Variants in SOCS5 observed in about 807,000 individuals in gnomAD.
The protein encoded by SOCS5 is CIS-6.
In SOCS5, 32 loss-of-function variants were observed where a neutral mutation model predicts 42.8. The observed-to-expected ratio is 0.75, with a 90% CI of 0.56 to 1.01. The LOEUF is 1.01. Ranked by LOEUF, SOCS5 falls within the 50% of genes least tolerant of loss-of-function variation. The pLI is 0.00. For missense variants in SOCS5, 627 were observed against 653.0 expected (o/e 0.96, Z 0.43); for synonymous variants, 283 against 229.6 (o/e 1.23, Z -2.10).
rs1673885352 is a variant in SOCS5, at chr2:46,762,127, T to C, written c.*1986T>C. On this transcript the variant is annotated 3_prime_UTR_variant, in exon 2 of 2. Transcript: ENST00000394861. ...AAATGGGGATTGAAGGGACTTATAA[T>C]TTCTGTTGTTTCTAATTAAAGTCCC... 6.0e-6 allele frequency: 1 copy of C among 167,054 alleles called. No homozygotes were observed. Among genetic ancestry groups the C allele is most frequent in the African/African-American group, 2.4e-5 (1 of 41,462 alleles). The allele number at this position is 167,054 out of a possible 1,614,324, so 10.3% of individuals were successfully genotyped here. A position where few individuals can be genotyped will look rare whatever the true frequency, so the allele number is the denominator to read the frequency against.
At chr2:46,707,783 A>G (rs534761070) in intron 1 of SOCS5, among the ~76,000 whole-genome samples, 46 of 152,306 alleles carry the variant, frequency 3.0e-4, no homozygotes, top group Middle Eastern at 3.4e-3. Flanking sequence ...TCGACTTACA[A>G]TGGGGTTAGT....
At chr2:46,735,593 G>A (rs1384180994) in intron 1 of SOCS5, among the ~76,000 whole-genome samples, 1 of 151,750 alleles carries the variant, frequency 6.6e-6, no homozygotes, top group Non-Finnish European at 1.5e-5. Flanking sequence ...GCTTGATTCT[G>A]GACTTAACAG....
At chr2:46,753,018 T>C (rs929039193) in intron 1 of SOCS5, among the ~76,000 whole-genome samples, 27 of 152,170 alleles carry the variant, frequency 1.8e-4, no homozygotes, top group Non-Finnish European at 1.6e-4. Flanking sequence ...TAGTCTTCAG[T>C]GCCATATCAG....
intron 1 of SOCS5, among the ~76,000 whole-genome samples, chr2:46,736,908 T>C (rs1160840830): frequency 6.6e-6 from 1 of 152,100 alleles, no homozygotes; most frequent in East Asian, 1.9e-4. Context: ...AAATTCGAAA[T>C]GTTCCAGTGA....
intron 1 of SOCS5, among the ~76,000 whole-genome samples, chr2:46,738,973 T>G (rs1263554370): frequency 2.0e-5 from 3 of 152,236 alleles, no homozygotes; most frequent in African/African-American, 7.2e-5. Flanking sequence ...GGCTGAATAA[T>G]GTCATATCAA....
intron 1 of SOCS5, among the ~76,000 whole-genome samples, chr2:46,705,834 G>C (rs1225248723): frequency 6.6e-6 from 1 of 152,220 alleles, no homozygotes; most frequent in African/African-American, 2.4e-5. Context: ...GACTCCATGT[G>C]CTGTTCCAGG....
In SOCS5 at chr2:46,728,717, G is replaced by A. The variant is rs148145539; in HGVS notation, c.-13+29268G>A. Among the ~76,000 whole-genome samples the A allele has an allele frequency of 5.3e-5, 8 of 152,178 alleles. No homozygotes were observed. The East Asian group carries it at 7.7e-4, about 15-fold the overall frequency. On this transcript the variant is annotated intron_variant, in intron 1 of 1. Transcript: ENST00000394861. ...ACTACAAGTGTGTGCCACCATGCCC[G>A]GCTAATTTTTGTATTCTTAGTAGAG... is the stretch of plus-strand genomic sequence containing the variant.
chr2:46,759,707 G>A lies in SOCS5; in HGVS notation c.1177G>A (p.Ala393Thr), dbSNP rs775206082. Residue 393 changes from alanine to threonine, a missense_variant, in exon 2 of 2, where the codon GCC becomes ACC. Ala to Thr is a moderately conservative substitution (Grantham distance 58). Transcript: ENST00000394861. ...WGVMDRYEAEALLEGKPEGTF... is the reference protein window; with the variant it reads ...WGVMDRYEAETLLEGKPEGTF... ...AGTGATGGACCGTTATGAAGCAGAA[G>A]CCCTTCTCGAAGGGAAACCTGAAGG... 1 of 1,614,128 alleles carries A rather than the reference G, an allele frequency of 6.2e-7. No homozygotes were observed. The highest frequency in any genetic ancestry group is 2.2e-5 in the East Asian group (1 of 44,876).
At chr2:46,748,300 C>G (rs899801028) in intron 1 of SOCS5, among the ~76,000 whole-genome samples, 2 of 151,880 alleles carry the variant, frequency 1.3e-5, no homozygotes, top group Non-Finnish European at 2.9e-5. Flanking sequence ...ATCCTCCCAC[C>G]TCAGCCTCAT....
intron 1 of SOCS5, among the ~76,000 whole-genome samples, chr2:46,718,706 C>G (rs1464779889): frequency 6.6e-6 from 1 of 152,078 alleles, no homozygotes. Flanking sequence ...ATAATACTTT[C>G]TAAAAGATTT....
chr2:46,700,399 C>G (rs1162355589), intron 1 of SOCS5, among the ~76,000 whole-genome samples: 2 of 152,174 alleles, frequency 1.3e-5, no homozygotes, highest in African/African-American at 2.4e-5. Context: ...TTGTAGCAAC[C>G]TCTCTATCCA....
At chr2:46,715,137 G>C (rs976105122) in intron 1 of SOCS5, among the ~76,000 whole-genome samples, 10 of 152,090 alleles carry the variant, frequency 6.6e-5, no homozygotes, top group Non-Finnish European at 1.5e-4. Flanking sequence ...GGGAGGCTGA[G>C]GTGGGTGGAT....
chr2:46,709,690 G>T (rs1672572020), intron 1 of SOCS5, among the ~76,000 whole-genome samples: 1 of 152,144 alleles, frequency 6.6e-6, no homozygotes, highest in South Asian at 2.1e-4. Flanking sequence ...AATTTGGGTA[G>T]TTAGATGATT....
intron 1 of SOCS5, among the ~76,000 whole-genome samples, chr2:46,729,903 TA>T (rs1159265174): frequency 2.0e-5 from 3 of 152,234 alleles, no homozygotes; most frequent in Admixed American, 6.5e-5. Context: ...CACAAACATA[TA>T]CAGCTGTACA....
intron 1 of SOCS5, among the ~76,000 whole-genome samples, chr2:46,742,885 A>G (rs557603016): frequency 3.3e-5 from 5 of 152,160 alleles, no homozygotes; most frequent in African/African-American, 1.2e-4. Flanking sequence ...AGGCTAGTCT[A>G]GAACTCCTGA....
At chr2:46,753,835 CATTT>C (rs1673677269) in intron 1 of SOCS5, among the ~76,000 whole-genome samples, 1 of 152,130 alleles carries the variant, frequency 6.6e-6, no homozygotes, top group Non-Finnish European at 1.5e-5. Context: ...ATTGCTGTGG[CATTT>C]ATAAGCTGTC....
At chr2:46,714,809 T>C (rs1016569090) in intron 1 of SOCS5, among the ~76,000 whole-genome samples, 5 of 152,252 alleles carry the variant, frequency 3.3e-5, no homozygotes, top group African/African-American at 9.6e-5. Flanking sequence ...TGTTTCTTTT[T>C]TCCTTGATTA....
chr2:46,728,858 C>A (rs1035399763), intron 1 of SOCS5, among the ~76,000 whole-genome samples: 7 of 152,092 alleles, frequency 4.6e-5, no homozygotes, highest in African/African-American at 1.2e-4. Context: ...CGCTGGCCAG[C>A]GATTTGTATT....
intron 1 of SOCS5, among the ~76,000 whole-genome samples, chr2:46,723,687 A>G (rs762821091): frequency 6.6e-6 from 1 of 151,904 alleles, no homozygotes; most frequent in Non-Finnish European, 1.5e-5. Context: ...GGTTTTTATG[A>G]TGTTTTTAAA....
Sources: gnomAD v4.1 joint callset for allele counts (sites outside exome capture counted in the v4.1 genomes callset) on GRCh38, gnomAD v4.1.1 for gene constraint, MANE v1.5 for transcripts, NCBI Gene and HGNC (gene_info 2026-07-23, HGNC 2026-07-21) for gene names.